FNDC3A: variants seen among roughly 807,000 people sequenced by gnomAD.
FNDC3A encodes fibronectin type-III domain-containing protein 3A.
In FNDC3A, 32 loss-of-function variants were observed where a neutral mutation model predicts 148.9. The ratio of observed to expected loss-of-function variants is 0.21; its 90% CI spans 0.16 to 0.29. The LOEUF is 0.29. Among genes scored for constraint, FNDC3A ranks in the 10% least tolerant of loss-of-function variants. The pLI is 1.00. For synonymous variants in FNDC3A, 472 were observed against 473.6 expected (o/e 1.00, Z 0.04); for missense variants, 1,191 against 1,452.8 (o/e 0.82, Z 2.93).
chr13:49,168,522 C>A (rs1238770757), intron 9 of FNDC3A, 91 bp from the exon 10 acceptor site: 3 of 786,468 alleles, frequency 3.8e-6, no homozygotes, highest in African/African-American at 3.6e-5. Context: ...TTAGTGGACA[C>A]CTTCCTAATC....
intron 2 of FNDC3A, among the ~76,000 whole-genome samples, chr13:49,016,089 C>T (rs1312698675): frequency 6.6e-6 from 1 of 152,220 alleles, no homozygotes; most frequent in African/African-American, 2.4e-5. Flanking sequence ...CTCTGCCTGG[C>T]TTTGGTATCA....
At chr13:49,134,841 CTTT>C (rs1168216037) in intron 5 of FNDC3A, among the ~76,000 whole-genome samples, 1 of 2,636 alleles carries the variant, frequency 3.8e-4, no homozygotes, top group Non-Finnish European at 5.9e-4. Flanking sequence ...GAGTTTCACT[CTTT>C]TTTTTTTTTT....
intron 8 of FNDC3A, among the ~76,000 whole-genome samples, chr13:49,151,557 G>GT (rs1381600518): frequency 1.3e-5 from 2 of 151,950 alleles, no homozygotes; most frequent in Non-Finnish European, 2.9e-5. Context: ...TAAGTAGAAA[G>GT]TTTTTTGTTT....
chr13:49,166,649 A>G (rs140251919), intron 8 of FNDC3A, among the ~76,000 whole-genome samples: 1 of 152,196 alleles, frequency 6.6e-6, no homozygotes, highest in East Asian at 1.9e-4. Context: ...GGGAATGTGT[A>G]CCACTGGGGG....
intron 4 of FNDC3A, among the ~76,000 whole-genome samples, chr13:49,115,900 A>T (rs561181549): frequency 6.6e-6 from 1 of 152,302 alleles, no homozygotes; most frequent in South Asian, 2.1e-4. Context: ...GGTACCACTG[A>T]TAAGATTTAC....
intron 4 of FNDC3A, among the ~76,000 whole-genome samples, chr13:49,122,574 G>A (rs1046046268): frequency 1.3e-5 from 2 of 152,172 alleles, no homozygotes; most frequent in Admixed American, 1.3e-4. Flanking sequence ...CTTTGCAGAT[G>A]ACATGATTGT....
intron 11 of FNDC3A, 132 bp downstream of exon 11, chr13:49,172,228 A>G (rs1304946415): frequency 7.6e-6 from 4 of 523,676 alleles, no homozygotes; most frequent in Non-Finnish European, 1.4e-5. Context: ...TGTGTGGTGC[A>G]TGAGTGGATT....
chr13:48,977,167 C>T (rs1247982592), intron 1 of FNDC3A, among the ~76,000 whole-genome samples: 1 of 152,062 alleles, frequency 6.6e-6, no homozygotes, highest in African/African-American at 2.4e-5. Flanking sequence ...ATAAGAGTCG[C>T]AGGCTGATGA....
At chr13:49,175,319 C>A in intron 12 of FNDC3A, 48 bp from the exon 13 acceptor site, 3 of 1,354,822 alleles carry the variant, frequency 2.2e-6, no homozygotes, top group Non-Finnish European at 3.0e-6. Flanking sequence ...TGTTCTTTCA[C>A]TGTAAAAATA....
intron 1 of FNDC3A, among the ~76,000 whole-genome samples, chr13:48,981,420 A>G (rs1427777487): frequency 2.6e-5 from 4 of 152,114 alleles, no homozygotes; most frequent in South Asian, 2.1e-4. Flanking sequence ...CTATAAAAGC[A>G]TTAAAATACA....
chr13:49,182,985 C>G (rs1315122325), intron 14 of FNDC3A, among the ~76,000 whole-genome samples: 1 of 152,138 alleles, frequency 6.6e-6, no homozygotes, highest in Non-Finnish European at 1.5e-5. Context: ...AATCCAGGTT[C>G]TTTTCTATAC....
At chr13:49,114,299 T>TA (rs1379427765) in intron 3 of FNDC3A, among the ~76,000 whole-genome samples, 1 of 152,088 alleles carries the variant, frequency 6.6e-6, no homozygotes, top group Non-Finnish European at 1.5e-5. Context: ...AAACTTACAC[T>TA]ATTATAAGAG....
In FNDC3A at chr13:49,131,173, G is replaced by T; in HGVS notation, c.289G>T (p.Val97Phe). 6.2e-7 allele frequency: 1 copy of T among 1,613,936 alleles called. No homozygotes were observed. Among genetic ancestry groups the T allele is most frequent in the Non-Finnish European group, 8.5e-7 (1 of 1,179,880 alleles). ...EDNGVRRVVV[V>F]PQAPEFHPGS... ...CAATGGTGTTCGAAGAGTTGTCGTG[G>T]TCCCTCAGGCACCAGAGTTTCACCC... The change falls in exon 5 of 26, where the codon GTC becomes TTC. Residue 97 changes from valine (V) to phenylalanine (F), a missense_variant. Physicochemically the swap from Val to Phe is conservative, Grantham distance 50 (BLOSUM62 -1). Around this residue, in one of 3 missense-constraint regions of FNDC3A, gnomAD observed 426 missense variants for 473.2 expected, o/e 0.90. Transcript: ENST00000492622.
chr13:49,012,271 G>T (rs960620560), intron 2 of FNDC3A, among the ~76,000 whole-genome samples: 1 of 151,924 alleles, frequency 6.6e-6, no homozygotes, highest in Non-Finnish European at 1.5e-5. Context: ...CTGCCACCAT[G>T]CCCGGCTAAT....
chr13:48,997,017 C>T (rs1032844061), intron 1 of FNDC3A, among the ~76,000 whole-genome samples: 5 of 150,982 alleles, frequency 3.3e-5, no homozygotes, highest in African/African-American at 7.3e-5. Flanking sequence ...GGGCGGAGAT[C>T]GCACCATTGC....
intron 2 of FNDC3A, among the ~76,000 whole-genome samples, chr13:49,069,135 G>C (rs1438686126): frequency 2.0e-5 from 3 of 152,060 alleles, no homozygotes; most frequent in Non-Finnish European, 4.4e-5. Flanking sequence ...TTAAGTGTAG[G>C]TATTATTAAG....
chr13:49,092,491 T>C (rs1879252477), intron 3 of FNDC3A, among the ~76,000 whole-genome samples: 1 of 152,170 alleles, frequency 6.6e-6, no homozygotes. Context: ...TAAGGTTAGG[T>C]CTGCCTTTCC....
chr13:49,194,543 G>GT (rs996854750), intron 19 of FNDC3A, among the ~76,000 whole-genome samples: 28 of 151,682 alleles, frequency 1.8e-4, no homozygotes, highest in African/African-American at 5.6e-4. Flanking sequence ...AGGTTTGTTT[G>GT]TTTTTTTTCA....
intron 4 of FNDC3A, among the ~76,000 whole-genome samples, chr13:49,127,889 T>C (rs1302473192): frequency 6.6e-6 from 1 of 152,158 alleles, no homozygotes; most frequent in African/African-American, 2.4e-5. Context: ...CTACTTTTTT[T>C]TTTTCTTTTT....
Sources: allele counts gnomAD v4.1 joint callset (sites outside exome capture counted in the v4.1 genomes callset), GRCh38; gene constraint gnomAD v4.1.1; regional missense constraint gnomAD v4.1.1; transcripts MANE v1.5; gene names NCBI Gene and HGNC (gene_info 2026-07-23, HGNC 2026-07-21).